NEBL: variants seen among roughly 807,000 people sequenced by gnomAD.
NEBL encodes the protein nebulette.
A neutral mutation model predicts 140.2 loss-of-function variants in NEBL; 122 were observed. That is an observed-to-expected ratio of 0.87 (90% CI 0.75 to 1.01). NEBL has a LOEUF of 1.01. NEBL is among the 50% of genes least tolerant of loss of function. NEBL has a pLI of 0.00. For synonymous variants in NEBL, 436 were observed against 398.9 expected, an observed-to-expected ratio of 1.09 and a Z score of -1.11; for missense variants, 1,365 against 1,231.3, an observed-to-expected ratio of 1.11 and a Z score of -1.62.
chr10:21,030,702 T>C (rs1391968807), intron 2 of NEBL: 5 of 475,888 alleles, frequency 1.1e-5, no homozygotes, highest in Non-Finnish European at 1.6e-5. Context: ...CTAGCCATGG[T>C]CCAGGAGACA....
At chr10:20,901,458 C>CT (rs745684868), upstream of NEBL, among the ~76,000 whole-genome samples, 14 of 152,068 alleles carry the variant, frequency 9.2e-5, no homozygotes, top group Admixed American at 2.6e-4. Flanking sequence ...ACTTATTTCA[C>CT]TTTTTTCTCC....
intron 2 of NEBL, among the ~76,000 whole-genome samples, chr10:21,249,922 G>A (rs1231072382): frequency 6.6e-6 from 1 of 151,952 alleles, no homozygotes; most frequent in Non-Finnish European, 1.5e-5. Context: ...AAATTGACTG[G>A]GTGTGGTGGT....
At chr10:21,288,411 T>C (rs1235841791) in intron 1 of NEBL, among the ~76,000 whole-genome samples, 1 of 151,704 alleles carries the variant, frequency 6.6e-6, no homozygotes, top group Non-Finnish European at 1.5e-5. Flanking sequence ...GAGTTTGCAG[T>C]GAGCCAAGAT....
At chr10:21,024,997 A>T (rs1336374353) in intron 2 of NEBL, among the ~76,000 whole-genome samples, 2 of 152,182 alleles carry the variant, frequency 1.3e-5, no homozygotes, top group African/African-American at 2.4e-5. Context: ...AGGTCTTCCT[A>T]AAAAATTGTC....
chr10:21,006,885 C>T (rs751230824), intron 3 of NEBL, among the ~76,000 whole-genome samples: 7 of 152,040 alleles, frequency 4.6e-5, no homozygotes, highest in African/African-American at 1.2e-4. Context: ...TAAGAAGGAG[C>T]GAGTTCTATA....
intron 26 of NEBL, among the ~76,000 whole-genome samples, chr10:20,796,678 T>G (rs1836576769): frequency 6.6e-6 from 1 of 152,222 alleles, no homozygotes; most frequent in Non-Finnish European, 1.5e-5. Flanking sequence ...CTAGCCCATT[T>G]ACTTCTACAT....
chr10:21,169,056 A>AT, intron 2 of NEBL, among the ~76,000 whole-genome samples: 4 of 49,488 alleles, frequency 8.1e-5, no homozygotes, highest in Non-Finnish European at 7.6e-5. Context: ...CTACAAAAAA[A>AT]AAAAAAAAAA....
At chr10:21,252,346 C>T (rs953811349) in intron 1 of NEBL, among the ~76,000 whole-genome samples, 2 of 152,094 alleles carry the variant, frequency 1.3e-5, no homozygotes, top group South Asian at 4.1e-4. Context: ...ATCACACAAG[C>T]ACTAAAGACA....
At chr10:21,093,592 G>C (rs746935545) in intron 2 of NEBL, among the ~76,000 whole-genome samples, 3 of 152,194 alleles carry the variant, frequency 2.0e-5, no homozygotes, top group Non-Finnish European at 2.9e-5. Flanking sequence ...TATGCAACCA[G>C]ATGGGGGTCA....
chr10:21,205,628 T>A (rs1004854971), intron 3 of NEBL, among the ~76,000 whole-genome samples: 4 of 152,156 alleles, frequency 2.6e-5, no homozygotes, highest in African/African-American at 9.7e-5. Context: ...TATACCAATA[T>A]ATTATGGAAA....
chr10:20,938,184 C>A (rs537935527), intron 4 of NEBL, among the ~76,000 whole-genome samples: 7 of 152,194 alleles, frequency 4.6e-5, no homozygotes, highest in African/African-American at 1.7e-4. Context: ...CTGGGAGGCA[C>A]CCCCCAGTAG....
chr10:20,938,768 C>G (rs998756684), intron 4 of NEBL, among the ~76,000 whole-genome samples: 1 of 152,130 alleles, frequency 6.6e-6, no homozygotes, highest in African/African-American at 2.4e-5. Context: ...TGAAAACCAT[C>G]GCACAACAAC....
At chr10:20,955,944 T>C (rs998443001) in intron 4 of NEBL, among the ~76,000 whole-genome samples, 1 of 152,170 alleles carries the variant, frequency 6.6e-6, no homozygotes, top group African/African-American at 2.4e-5. Context: ...TGTTAATTCT[T>C]TTATTACCGG....
intron 2 of NEBL, among the ~76,000 whole-genome samples, chr10:21,132,359 T>A (rs750055960): frequency 1.3e-5 from 2 of 152,204 alleles, no homozygotes; most frequent in Non-Finnish European, 2.9e-5. Context: ...TGTATAGATG[T>A]GCCATACTTT....
At chr10:20,813,662 G>C (rs1451507331) in intron 23 of NEBL, 1 of 345,488 alleles carries the variant, frequency 2.9e-6, no homozygotes. Context: ...GAATTAATTG[G>C]AAAGAAGTCT....
intron 7 of NEBL, 55 bp from the exon 8 acceptor site, chr10:20,859,881 G>T: frequency 1.2e-6 from 1 of 829,394 alleles, no homozygotes; most frequent in South Asian, 1.6e-5. Flanking sequence ...TAACACATAT[G>T]ATTTTCACGT....
chr10:21,253,424 C>A (rs1327497413), intron 1 of NEBL, among the ~76,000 whole-genome samples: 1 of 152,040 alleles, frequency 6.6e-6, no homozygotes, highest in Non-Finnish European at 1.5e-5. Context: ...TTTTTGCGAG[C>A]CATGGCACAC....
chr10:20,992,661 G>A (rs765683823), intron 3 of NEBL, among the ~76,000 whole-genome samples: 28 of 149,536 alleles, frequency 1.9e-4, no homozygotes, highest in Non-Finnish European at 2.5e-4. Flanking sequence ...TCCTACCCTC[G>A]CCTTGAGCTG....
Position 21,288,820 on chromosome 10 carries a change from G to GTATATATATA in NEBL, n.182+4000_182+4009dup, listed in dbSNP as rs71392181. Reference sequence around the variant, plus strand: ...TCTGACAATATATACGTGTGTGTGTGTATATATATATATATATATATATAT... The same window carrying GTATATATATA: ...TCTGACAATATATACGTGTGTGTGTGTATATATATATATATATATATATATATATATATAT... On this transcript the variant is annotated intron_variant and non_coding_transcript_variant, in intron 1 of 8. Transcript: ENST00000675702. Among the ~76,000 whole-genome samples, 62 of 34,990 alleles carry GTATATATATA rather than the reference G, an allele frequency of 1.8e-3. 1 individual carries two copies. The highest frequency in any genetic ancestry group is 7.4e-3 in the East Asian group (3 of 404). The allele number at this position is 34,990 out of a possible 152,430, so 23.0% of individuals were successfully genotyped here. A position where few individuals can be genotyped will look rare whatever the true frequency, so the allele number is the denominator to read the frequency against.
Sources: allele counts gnomAD v4.1 joint callset (sites outside exome capture counted in the v4.1 genomes callset), GRCh38; gene constraint gnomAD v4.1.1; transcripts MANE v1.5; gene names NCBI Gene and HGNC (gene_info 2026-07-23, HGNC 2026-07-21).